Variants in DCHS1 observed in about 807,000 individuals in gnomAD.
DCHS1 encodes the protein protocadherin-16.
In DCHS1, 78 loss-of-function variants were observed where a neutral mutation model predicts 213.9. That is an observed-to-expected ratio of 0.36 (90% CI 0.30 to 0.44). DCHS1 has a LOEUF of 0.44. Ranked by LOEUF, DCHS1 falls within the 20% of genes least tolerant of loss-of-function variation. DCHS1 has a pLI of 1.00. For synonymous variants in DCHS1, 1,828 were observed against 1,873.7 expected, an observed-to-expected ratio of 0.98 and a Z score of 0.63; for missense variants, 3,946 against 4,395.9, an observed-to-expected ratio of 0.90 and a Z score of 2.89.
Position 6,622,421 on chromosome 11 carries a change from G to C in DCHS1, c.9255C>G (p.Ala3085=), listed in dbSNP as rs1855711358. The C allele has an allele frequency of 6.4e-7, 1 of 1,556,114 alleles. No individual in the cohort carries two copies. The highest frequency in any genetic ancestry group is 8.7e-7 in the Non-Finnish European group (1 of 1,148,906). The change falls in exon 21 of 21, where the codon GCC becomes GCG. Residue 3085 remains alanine, a synonymous_variant. Coordinates refer to ENST00000299441, the MANE Select transcript of DCHS1 (RefSeq NM_003737.4). The surrounding 1 kb of genome is among the most constrained non-coding windows in gnomAD (Gnocchi z 5.4). ...TTCGGCCCTTATACCAGGTGTCAGG[G>C]GCAGGTGGTTCGCAGGATGTGTCAC... ...GLSDTSCEPP[A]PDTWYKGRKA... is the part of the protein sequence containing the mutation.
rs1195887631 is a variant in DCHS1, at chr11:6,626,072, C to T, written c.6579G>A (p.Val2193=). Residue 2193 remains valine (V), a splice_region_variant and synonymous_variant, in exon 17 of 21, where the codon GTG becomes GTA. Coordinates refer to ENST00000299441, the MANE Select transcript of DCHS1 (RefSeq NM_003737.4). This position sits in a 1 kb window ranked among gnomAD's most constrained non-coding sequence, Gnocchi z 5.2. ...AGCCTTGATCCAGGTCATCCGCCTC[C>T]ACCTGGTGAGGGTAGGAGGCTGCTG... ...SRPLEGPLLQ[V]EADDLDQGSG... is the part of the protein sequence containing the mutation. 5 of 1,609,460 alleles carry T rather than the reference C, an allele frequency of 3.1e-6. 1 individual carries two copies. The South Asian group carries it at 5.6e-5, about 18-fold the overall frequency.
Position 6,640,472 on chromosome 11 carries a change from G to A in DCHS1, c.1142C>T (p.Pro381Leu). The A allele has an allele frequency of 6.2e-7, 1 of 1,613,718 alleles. No homozygotes were observed. The highest frequency in any genetic ancestry group is 8.5e-7 in the Non-Finnish European group (1 of 1,179,890). Residue 381 changes from proline (P) to leucine (L), a missense_variant, in exon 2 of 21, where the codon CCT (proline) becomes CTT (leucine). Coordinates refer to ENST00000299441, the MANE Select transcript of DCHS1 (RefSeq NM_003737.4). The surrounding 1 kb of genome is among the most constrained non-coding windows in gnomAD (Gnocchi z 6.5). ...AGAGATGCGAGCAACGAGCTGTCCA[G>A]GTGGGGCGGCCTCAGACACTTGGGG... is the stretch of plus-strand genomic sequence containing the variant. ...GSPQVSEAAP[P>L]GQLVARISVS... is the part of the protein sequence containing the mutation.
intron 1 of DCHS1, among the ~76,000 whole-genome samples, chr11:6,644,589 C>A (rs545464399): frequency 6.6e-6 from 1 of 152,368 alleles, no homozygotes; most frequent in East Asian, 1.9e-4. Flanking sequence ...CATGTGTCTG[C>A]CCTCTGCACT....
At chr11:6,643,118 G>C (rs973051994) in intron 1 of DCHS1, among the ~76,000 whole-genome samples, 2 of 152,156 alleles carry the variant, frequency 1.3e-5, no homozygotes, top group African/African-American at 4.8e-5. Context: ...GAACCAGAGA[G>C]GGGTGGTGCC....
In DCHS1 at chr11:6,632,366, G is replaced by C; in HGVS notation, c.3146C>G (p.Pro1049Arg). Residue 1049 changes from proline to arginine, a missense_variant, in exon 6 of 21, where the codon CCA becomes CGA. By Grantham distance (103) the Pro-to-Arg change is moderately radical (BLOSUM62 -2). Around this residue, in one of 3 missense-constraint regions of DCHS1, gnomAD observed 3,384 missense variants for 3,780.1 expected, o/e 0.90. Coordinates refer to ENST00000299441, the MANE Select transcript of DCHS1 (RefSeq NM_003737.4). This position sits in a 1 kb window ranked among gnomAD's most constrained non-coding sequence, Gnocchi z 5.9. ...EGASSPFGLEPQSGWLWVRAA... is the reference protein window; with the variant it reads ...EGASSPFGLERQSGWLWVRAA... ...CCGCACCCATAGCCACCCACTCTGT[G>C]GCTCCAGGCCAAAGGGGCTACTTGC... 6.2e-7 allele frequency: 1 copy of C among 1,613,930 alleles called. No homozygotes were observed. Among genetic ancestry groups the C allele is most frequent in the Non-Finnish European group, 8.5e-7 (1 of 1,179,828 alleles).
chr11:6,653,361 C>T (rs1378244740), intron 1 of DCHS1, among the ~76,000 whole-genome samples: 1 of 152,240 alleles, frequency 6.6e-6, no homozygotes, highest in Non-Finnish European at 1.5e-5. Flanking sequence ...CTAGGTTACT[C>T]TGCTGTGTGC....
rs112830310 is a variant in DCHS1 at position 6,646,052 on chromosome 11, C to T, written c.-120-4319G>A. Among the ~76,000 whole-genome samples the T allele has an allele frequency of 3.3e-3, 501 of 152,220 alleles. 1 individual carries two copies. The highest frequency in any genetic ancestry group is 0.011 in the African/African-American group (456 of 41,524). ...GTATGCAGGCATACATACACACACA[C>T]AGAAAGACACTTTCTCATGGCCCTC... On this transcript the variant is annotated intron_variant, in intron 1 of 20. Coordinates refer to ENST00000299441, the MANE Select transcript of DCHS1 (RefSeq NM_003737.4).
rs1252977797 is a variant in DCHS1 at position 6,655,502 on chromosome 11, AG to A, written c.-121+60del. ...GGCTCCGCCGCCGCTGCCGCAGCCC[AG>A]GGGAGGCCGGCGGGCAGGGCGGGCG... On this transcript the variant is annotated intron_variant, in intron 1 of 20. Transcript: ENST00000299441. 5.6e-5 allele frequency: 52 copies of A among 931,964 alleles called. No individual in the cohort carries two copies. In the African/African-American group the frequency reaches 9.0e-4, roughly 16 times the overall value. The allele number at this position is 931,964 out of a possible 1,614,324, so 57.7% of individuals were successfully genotyped here. A position where few individuals can be genotyped will look rare whatever the true frequency, so the allele number is the denominator to read the frequency against.
chr11:6,628,289 T>C lies in DCHS1; in HGVS notation c.5371+332A>G, dbSNP rs1855843584. On this transcript the variant is annotated intron_variant, in intron 13 of 20. Coordinates refer to ENST00000299441, the MANE Select transcript of DCHS1 (RefSeq NM_003737.4). This position sits in a 1 kb window ranked among gnomAD's most constrained non-coding sequence, Gnocchi z 4.3. Reference sequence around the variant, plus strand: ...CAGTTTTATTATCTAATACAGTAAATACTGATATAATCCACATAAAAACTC... The same window carrying C: ...CAGTTTTATTATCTAATACAGTAAACACTGATATAATCCACATAAAAACTC... Among the ~76,000 whole-genome samples, 1 of 152,204 alleles carries C rather than the reference T, an allele frequency of 6.6e-6. No homozygotes were observed. Among genetic ancestry groups the C allele is most frequent in the East Asian group, 1.9e-4 (1 of 5,204 alleles).
Position 6,624,222 on chromosome 11 carries a change from G to A in DCHS1, c.7454C>T (p.Ser2485Leu), listed in dbSNP as rs1393166231. The A allele has an allele frequency of 6.2e-7, 1 of 1,613,292 alleles. No homozygotes were observed. The highest frequency in any genetic ancestry group is 8.5e-7 in the Non-Finnish European group (1 of 1,179,716). ...TTCAGTCACAGCCACACGGTAGTGTGACAATGTGAAGCTCGGGGCGTGGTC... is the reference window on the plus strand; with the variant it reads ...TTCAGTCACAGCCACACGGTAGTGTAACAATGTGAAGCTCGGGGCGTGGTC... ...QNDHAPSFTLSHYRVAVTEDL... is the reference protein window; with the variant it reads ...QNDHAPSFTLLHYRVAVTEDL... The change falls in exon 21 of 21, where the codon TCA (serine) becomes TTA (leucine). Residue 2485 changes from serine (S) to leucine (L), a missense_variant. Coordinates refer to ENST00000299441, the MANE Select transcript of DCHS1 (RefSeq NM_003737.4).
intron 1 of DCHS1, among the ~76,000 whole-genome samples, chr11:6,648,555 G>C (rs1330530971): frequency 3.9e-5 from 6 of 152,170 alleles, no homozygotes; most frequent in Non-Finnish European, 7.3e-5. Flanking sequence ...GCTAGCCATA[G>C]AGCAGACATC....
In DCHS1 at chr11:6,626,237, G is replaced by T. The variant is rs367695682; in HGVS notation, c.6508C>A (p.Arg2170Ser). The T allele has an allele frequency of 1.2e-6, 2 of 1,612,140 alleles. No homozygotes were observed. Among genetic ancestry groups the T allele is most frequent in the Non-Finnish European group, 8.5e-7 (1 of 1,179,146 alleles). ...TLQDANDNAP[R>S]FLRPHYVAFL... ...GCCACATAATGGGGCCGCAGGAAAC[G>T]GGGAGCATTGTCGTTGGCATCTTGC... Residue 2170 changes from arginine to serine, a missense_variant, in exon 16 of 21, where the codon CGT becomes AGT. Arg to Ser is a moderately radical substitution (Grantham distance 110, BLOSUM62 -1). This residue lies in a region of DCHS1 where 3,384 missense variants were observed against 3,780.1 expected (regional missense o/e 0.90). Transcript: ENST00000299441. This position sits in a 1 kb window ranked among gnomAD's most constrained non-coding sequence, Gnocchi z 5.2.
At chr11:6,634,553 G>A (rs1855961160) in intron 2 of DCHS1, among the ~76,000 whole-genome samples, 1 of 152,154 alleles carries the variant, frequency 6.6e-6, no homozygotes, top group Non-Finnish European at 1.5e-5. Context: ...GTGTGTTTCT[G>A]TTTAAAGACA....
Position 6,632,526 on chromosome 11 carries a change from G to C in DCHS1, c.2986C>G (p.Leu996Val). 1 of 1,538,396 alleles carries C rather than the reference G, an allele frequency of 6.5e-7. No individual in the cohort carries two copies. The highest frequency in any genetic ancestry group is 1.3e-5 in the South Asian group (1 of 79,316). Residue 996 changes from leucine (L) to valine (V), a missense_variant, in exon 6 of 21, where the codon CTG becomes GTG. Leu to Val is a conservative substitution (Grantham distance 32). Transcript: ENST00000299441. The surrounding 1 kb of genome is among the most constrained non-coding windows in gnomAD (Gnocchi z 5.9). ...VVVQDVGTRG[L>V]APRFNSPTYR... ...GTAGGGCTGTTGAATCGGGGAGCCA[G>C]CCCACGGGTTCCCACATCCTGTACC...
chr11:6,631,276 A>G, intron 8 of DCHS1, 35 bp downstream of exon 8: 1 of 1,613,696 alleles, frequency 6.2e-7, no homozygotes, highest in African/African-American at 1.3e-5. Flanking sequence ...AGGGCATGCC[A>G]TCACCCACCA....
chr11:6,630,363 C>T lies in DCHS1; in HGVS notation c.4431G>A (p.Leu1477=). 5.3e-6 allele frequency: 7 copies of T among 1,324,194 alleles called. No homozygotes were observed. The South Asian group carries it at 1.2e-4, about 23-fold the overall frequency. The allele number at this position is 1,324,194 out of a possible 1,614,324, so 82.0% of individuals were successfully genotyped here. The change falls in exon 10 of 21, where the codon CTG becomes CTA. Residue 1477 remains leucine (L), a synonymous_variant. Coordinates refer to ENST00000299441, the MANE Select transcript of DCHS1 (RefSeq NM_003737.4). The stretch of plus-strand genomic sequence containing the variant: ...GCGCCGGCACGGGCGGCTCCTGGCG[C>T]AGCAGGCGGTAGCGCACGTCGCTAT... ...GPNSDVRYRL[L]RQEPPVPALR...
Position 6,621,509 on chromosome 11 carries a change from G to A in DCHS1, c.*270C>T. ...AGCTCCATCTCAGGGTGCTGGTGCA[G>A]GGCAGGGATCCCTCACTGAGGAGAA... is the stretch of plus-strand genomic sequence containing the variant. On this transcript the variant is annotated 3_prime_UTR_variant, in exon 21 of 21. Coordinates refer to ENST00000299441, the MANE Select transcript of DCHS1 (RefSeq NM_003737.4). The A allele has an allele frequency of 1.7e-6, 1 of 595,812 alleles. No homozygotes were observed. The allele number at this position is 595,812 out of a possible 1,614,324, so 36.9% of individuals were successfully genotyped here. A position where few individuals can be genotyped will look rare whatever the true frequency, so the allele number is the denominator to read the frequency against.
chr11:6,632,694 C>A lies in DCHS1; in HGVS notation c.2818G>T (p.Ala940Ser). Residue 940 changes from alanine to serine, a missense_variant, in exon 6 of 21, where the codon GCC (alanine) becomes TCC (serine). Around this residue, in one of 3 missense-constraint regions of DCHS1, gnomAD observed 3,384 missense variants for 3,780.1 expected, o/e 0.90. Coordinates refer to ENST00000299441, the MANE Select transcript of DCHS1 (RefSeq NM_003737.4). The surrounding 1 kb of genome is among the most constrained non-coding windows in gnomAD (Gnocchi z 5.9). The part of the protein sequence containing the change: ...TFTLLAGGGG[A>S]FTVDPTTGHV... The stretch of plus-strand genomic sequence containing the variant: ...CCTGTGGTGGGGTCCACGGTGAAGG[C>A]TCCACCACCCCCAGCAAGCAGGGTA... The A allele has an allele frequency of 6.3e-7, 1 of 1,587,566 alleles. No individual in the cohort carries two copies. Among genetic ancestry groups the A allele is most frequent in the Non-Finnish European group, 8.6e-7 (1 of 1,166,604 alleles).
chr11:6,627,175 T>C lies in DCHS1; in HGVS notation c.5864A>G (p.Asp1955Gly). 2 of 1,612,600 alleles carry C rather than the reference T, an allele frequency of 1.2e-6. No homozygotes were observed. The highest frequency in any genetic ancestry group is 1.7e-6 in the Non-Finnish European group (2 of 1,179,360). ...SVTITVRDVN[D>G]HAPTFPTSPL... ...ACTGGTGGGGAAGGTGGGTGCATGGTCATTGACATCGCGCACCGTGATGGT... is the reference window on the plus strand; with the variant it reads ...ACTGGTGGGGAAGGTGGGTGCATGGCCATTGACATCGCGCACCGTGATGGT... Residue 1955 changes from aspartate to glycine, a missense_variant, in exon 14 of 21, where the codon GAC (aspartate) becomes GGC (glycine). Around this residue, in one of 3 missense-constraint regions of DCHS1, gnomAD observed 3,384 missense variants for 3,780.1 expected, o/e 0.90. Coordinates refer to ENST00000299441, the MANE Select transcript of DCHS1 (RefSeq NM_003737.4). The surrounding 1 kb of genome is among the most constrained non-coding windows in gnomAD (Gnocchi z 5.4).
Sources: allele counts gnomAD v4.1 joint callset (sites outside exome capture counted in the v4.1 genomes callset), GRCh38; gene constraint gnomAD v4.1.1; regional missense constraint gnomAD v4.1.1; non-coding constraint Gnocchi (gnomAD v3.1); transcripts MANE v1.5; gene names NCBI Gene and HGNC (gene_info 2026-07-23, HGNC 2026-07-21).